DLGAP2: variants seen among roughly 807,000 people sequenced by gnomAD.
DLGAP2 encodes disks large-associated protein 2.
Under a neutral mutation model 100.3 loss-of-function variants are expected in DLGAP2, and 26 were observed. The observed-to-expected ratio is 0.26, with a 90% CI of 0.19 to 0.36. The LOEUF (loss-of-function observed/expected upper bound fraction) is 0.36. Ranked by LOEUF, DLGAP2 falls within the 10% of genes least tolerant of loss-of-function variation. The pLI is 1.00. For synonymous variants in DLGAP2, 886 were observed against 630.1 expected (o/e 1.41, Z -6.08); for missense variants, 1,858 against 1,453.2 (o/e 1.28, Z -4.53).
rs779361143 is a variant in DLGAP2 at position 1,548,684 on chromosome 8, G to A, written c.231G>A (p.Ala77=). Reference sequence around the variant, plus strand: ...TCAATGAGGAGCGCTACTCGCCCGCGCCCAGGAGCATGAAGGGCCTTTCCG... The same window carrying A: ...TCAATGAGGAGCGCTACTCGCCCGCACCCAGGAGCATGAAGGGCCTTTCCG... ...QHFNEERYSP[A]PRSMKGLSGS... Residue 77 remains alanine, a synonymous_variant, in exon 5 of 15, where the codon GCG becomes GCA. Coordinates refer to ENST00000637795, the MANE Select transcript of DLGAP2 (RefSeq NM_001346810.2). 6.5e-5 allele frequency: 105 copies of A among 1,603,554 alleles called. No individual in the cohort carries two copies. The highest frequency in any genetic ancestry group is 8.4e-5 in the Admixed American group (5 of 59,298).
At chr8:1,242,045 A>G (rs1201868784) in intron 2 of DLGAP2, among the ~76,000 whole-genome samples, 2 of 152,222 alleles carry the variant, frequency 1.3e-5, no homozygotes, top group African/African-American at 4.8e-5. Flanking sequence ...TGATTGGCGT[A>G]TATTCCAGTA....
At chr8:1,355,544 T>C (rs1178597380) in intron 3 of DLGAP2, among the ~76,000 whole-genome samples, 1 of 151,936 alleles carries the variant, frequency 6.6e-6, no homozygotes, top group South Asian at 2.1e-4. Context: ...TTTGTATTTT[T>C]AGTAGAGGCG....
At chr8:1,518,146 A>G (rs549435239) in intron 4 of DLGAP2, among the ~76,000 whole-genome samples, 1 of 152,204 alleles carries the variant, frequency 6.6e-6, no homozygotes, top group Non-Finnish European at 1.5e-5. Context: ...ATTGAGTGTT[A>G]CGCTTCTGTG....
intron 1 of DLGAP2, among the ~76,000 whole-genome samples, chr8:896,577 C>T (rs1028781254): frequency 1.3e-5 from 2 of 152,038 alleles, no homozygotes; most frequent in Non-Finnish European, 2.9e-5. Context: ...GGGTGGGGCC[C>T]TGGGGGGCGA....
chr8:1,172,289 C>T (rs1241876082), intron 2 of DLGAP2, among the ~76,000 whole-genome samples: 2 of 152,098 alleles, frequency 1.3e-5, no homozygotes, highest in African/African-American at 2.4e-5. Flanking sequence ...GTGGGTAACC[C>T]GACCTTTCTC....
At chr8:1,391,900 G>A (rs1434715675) in intron 3 of DLGAP2, among the ~76,000 whole-genome samples, 2 of 152,236 alleles carry the variant, frequency 1.3e-5, no homozygotes, top group Non-Finnish European at 2.9e-5. Context: ...CGTCCACCTT[G>A]GACAACCAAC....
At chr8:771,482 G>A (rs531388519) in intron 1 of DLGAP2, among the ~76,000 whole-genome samples, 99 of 152,342 alleles carry the variant, frequency 6.5e-4, no homozygotes, top group African/African-American at 2.3e-3. Flanking sequence ...CCGGGTCTAA[G>A]GCAGGCCGGC....
At position 1,106,243 on chromosome 8, in the gene DLGAP2, G is replaced by A. The variant is rs1415269533; in HGVS notation, c.74-152608G>A. Among the ~76,000 whole-genome samples, 3 of 150,838 alleles carry A rather than the reference G, an allele frequency of 2.0e-5. No individual in the cohort carries two copies. The East Asian group carries it at 6.0e-4, about 30-fold the overall frequency. On this transcript the variant is annotated intron_variant, in intron 2 of 14. Transcript: ENST00000637795. ...TGTATTGAAGGGAACCATTCTAGGA[G>A]GGTTTTCTATTGAAGGAGGGCATTC...
chr8:1,517,580 C>T (rs1800437687), intron 4 of DLGAP2, among the ~76,000 whole-genome samples: 1 of 152,192 alleles, frequency 6.6e-6, no homozygotes, highest in African/African-American at 2.4e-5. Flanking sequence ...CGAGTCAGTG[C>T]TCTCCCCATC....
chr8:1,012,466 G>C (rs888063400), intron 2 of DLGAP2, among the ~76,000 whole-genome samples: 1 of 151,564 alleles, frequency 6.6e-6, no homozygotes, highest in African/African-American at 2.4e-5. Context: ...GGAACTTCCA[G>C]CGGCAGTGTG....
At chr8:1,231,719 C>T (rs954113408) in intron 2 of DLGAP2, among the ~76,000 whole-genome samples, 14 of 152,076 alleles carry the variant, frequency 9.2e-5, no homozygotes, top group African/African-American at 3.1e-4. Context: ...AAAGAACTAA[C>T]ACAGGAACAG....
chr8:1,560,948 C>A (rs988160487), intron 5 of DLGAP2, among the ~76,000 whole-genome samples: 4 of 152,124 alleles, frequency 2.6e-5, no homozygotes, highest in African/African-American at 7.2e-5. Flanking sequence ...GTCATTAATA[C>A]CCGATATGGT....
chr8:1,114,535 A>G (rs943009049), intron 2 of DLGAP2, among the ~76,000 whole-genome samples: 1 of 151,970 alleles, frequency 6.6e-6, no homozygotes, highest in Non-Finnish European at 1.5e-5. Flanking sequence ...CTGTGGGGTC[A>G]GTGGTAACAT....
chr8:1,230,177 A>G (rs927678602), intron 2 of DLGAP2, among the ~76,000 whole-genome samples: 1 of 152,218 alleles, frequency 6.6e-6, no homozygotes, highest in African/African-American at 2.4e-5. Flanking sequence ...TTCAGCATAC[A>G]AAATCAATGT....
At chr8:1,635,295 C>G (rs938827798) in intron 8 of DLGAP2, among the ~76,000 whole-genome samples, 1 of 152,134 alleles carries the variant, frequency 6.6e-6, no homozygotes, top group African/African-American at 2.4e-5. Flanking sequence ...TGGAGGAAAA[C>G]TATCAACATG....
At chr8:1,547,526 G>C (rs984605485) in intron 4 of DLGAP2, among the ~76,000 whole-genome samples, 2 of 152,104 alleles carry the variant, frequency 1.3e-5, no homozygotes, top group South Asian at 4.1e-4. Context: ...GTTGAGGGGG[G>C]CCTGCCAGAA....
chr8:1,318,316 A>G (rs1800813744), intron 3 of DLGAP2, among the ~76,000 whole-genome samples: 1 of 152,178 alleles, frequency 6.6e-6, no homozygotes, highest in African/African-American at 2.4e-5. Context: ...AAGAATGTAT[A>G]GCTTTATCAG....
intron 1 of DLGAP2, among the ~76,000 whole-genome samples, chr8:881,155 C>T (rs4735950): frequency 0.92 from 139,996 of 152,296 alleles, 64,750 homozygotes; most frequent in African/African-American, 0.98. Context: ...AATCTTTCTT[C>T]TTAAAACAAT....
In DLGAP2 at chr8:1,475,093, G is replaced by C. The variant is rs113107270; in HGVS notation, c.107-26273G>C. ...ATGTCCTCGCAGAGACACGGGTGTAGTCAGAGTCACTATCCTAAGTGAATC... is the reference window on the plus strand; with the variant it reads ...ATGTCCTCGCAGAGACACGGGTGTACTCAGAGTCACTATCCTAAGTGAATC... On this transcript the variant is annotated intron_variant, in intron 3 of 14. Coordinates refer to ENST00000637795, the MANE Select transcript of DLGAP2 (RefSeq NM_001346810.2). Among the ~76,000 whole-genome samples the C allele has an allele frequency of 8.2e-3, 1,256 of 152,274 alleles. 17 individuals carry two copies. Among genetic ancestry groups the C allele is most frequent in the African/African-American group, 0.028 (1,182 of 41,554 alleles).
Sources: gnomAD v4.1 joint callset for allele counts (sites outside exome capture counted in the v4.1 genomes callset) on GRCh38, gnomAD v4.1.1 for gene constraint, MANE v1.5 for transcripts, NCBI Gene and HGNC (gene_info 2026-07-23, HGNC 2026-07-21) for gene names.